LUZP2: variants seen among roughly 807,000 people sequenced by gnomAD.
LUZP2 encodes the protein leucine zipper protein 2.
LUZP2 carries 52 observed loss-of-function variants against 51.6 expected under a neutral mutation model. That is an observed-to-expected ratio of 1.01 (90% CI 0.81 to 1.27). The LOEUF is 1.27. LUZP2 is among the 50% of genes most tolerant of loss of function. The pLI, the probability that LUZP2 is intolerant of heterozygous loss-of-function variation, is 0.00. For synonymous variants in LUZP2, 154 were observed against 137.3 expected (o/e 1.12, Z -0.85); for missense variants, 436 against 395.4 (o/e 1.10, Z -0.87).
At chr11:24,752,960 T>A (rs10834476) in intron 4 of LUZP2, among the ~76,000 whole-genome samples, 1 of 151,788 alleles carries the variant, frequency 6.6e-6, no homozygotes, top group Non-Finnish European at 1.5e-5. Flanking sequence ...ATAAGCAAGA[T>A]AGGAAAATAC....
chr11:24,718,099 A>G (rs1372647657), intron 1 of LUZP2, among the ~76,000 whole-genome samples: 2 of 152,216 alleles, frequency 1.3e-5, no homozygotes, highest in African/African-American at 2.4e-5. Flanking sequence ...GCTTTCTTTT[A>G]TAGAGAGAAA....
intron 10 of LUZP2, among the ~76,000 whole-genome samples, chr11:25,075,133 A>G (rs190253834): frequency 6.6e-6 from 1 of 152,340 alleles, no homozygotes; most frequent in East Asian, 1.9e-4. Flanking sequence ...TTCCAGAGAA[A>G]TGTGAGGTTT....
At chr11:24,777,505 T>A (rs1199645872) in intron 5 of LUZP2, among the ~76,000 whole-genome samples, 1 of 152,166 alleles carries the variant, frequency 6.6e-6, no homozygotes, top group African/African-American at 2.4e-5. Context: ...AAATCAGATA[T>A]GCATATATTA....
At chr11:24,581,963 T>G (rs1015088150) in intron 1 of LUZP2, among the ~76,000 whole-genome samples, 5 of 151,910 alleles carry the variant, frequency 3.3e-5, no homozygotes, top group Admixed American at 3.3e-4. Context: ...CCCACATTGG[T>G]CCTCCTAAGC....
chr11:24,933,455 A>T (rs1854509983), intron 7 of LUZP2, among the ~76,000 whole-genome samples: 2 of 152,286 alleles, frequency 1.3e-5, no homozygotes, highest in East Asian at 1.9e-4. Flanking sequence ...CTTCAATATA[A>T]GTCTCCTGAC....
At chr11:24,824,712 A>T (rs1422050059) in intron 5 of LUZP2, among the ~76,000 whole-genome samples, 1 of 152,092 alleles carries the variant, frequency 6.6e-6, no homozygotes, top group Non-Finnish European at 1.5e-5. Context: ...TATTTATTTT[A>T]TATAATCATC....
At chr11:24,794,182 A>G (rs544309080) in intron 5 of LUZP2, among the ~76,000 whole-genome samples, 64 of 152,254 alleles carry the variant, frequency 4.2e-4, no homozygotes, top group Admixed American at 9.8e-4. Context: ...TACAGATTTT[A>G]GAAGGAAGTG....
chr11:24,911,631 G>A (rs74966487), intron 6 of LUZP2, among the ~76,000 whole-genome samples: 7,045 of 152,110 alleles, frequency 0.046, 501 homozygotes, highest in African/African-American at 0.15. Context: ...TGCAGAACTC[G>A]GAGTCAATTA....
intron 5 of LUZP2, among the ~76,000 whole-genome samples, chr11:24,889,248 A>ATG (rs766449154): frequency 3.3e-5 from 5 of 152,170 alleles, no homozygotes; most frequent in Non-Finnish European, 5.9e-5. Context: ...ATTATGTAAC[A>ATG]TGTGGGTGGG....
intron 1 of LUZP2, among the ~76,000 whole-genome samples, chr11:24,618,069 A>G (rs542692782): frequency 6.6e-6 from 1 of 151,878 alleles, no homozygotes; most frequent in South Asian, 2.1e-4. Context: ...AAAAAAGGGA[A>G]CTCCTCATTA....
At chr11:25,030,935 A>ATGTAT (rs1565254609) in intron 9 of LUZP2, among the ~76,000 whole-genome samples, 6 of 1,344 alleles carry the variant, frequency 4.5e-3, no homozygotes, top group African/African-American at 4.9e-3. Context: ...TATATAATAT[A>ATGTAT]TATTATATAT....
chr11:24,675,722 C>G (rs554129458), intron 1 of LUZP2, among the ~76,000 whole-genome samples: 1 of 151,630 alleles, frequency 6.6e-6, no homozygotes, highest in Non-Finnish European at 1.5e-5. Context: ...CCTGATTGGT[C>G]CTTATTATTA....
chr11:24,651,982 T>C (rs78178171), intron 1 of LUZP2, among the ~76,000 whole-genome samples: 26,005 of 151,974 alleles, frequency 0.17, 2,381 homozygotes, highest in East Asian at 0.35. Context: ...TTTCTCTCTA[T>C]CTCTCTGTGT....
intron 1 of LUZP2, among the ~76,000 whole-genome samples, chr11:24,519,107 G>C (rs1189895085): frequency 1.3e-5 from 2 of 152,104 alleles, no homozygotes; most frequent in Admixed American, 1.3e-4. Flanking sequence ...CTTAGACACT[G>C]TTATCCACTC....
At chr11:24,833,437 T>A (rs1466617035) in intron 5 of LUZP2, among the ~76,000 whole-genome samples, 1 of 152,152 alleles carries the variant, frequency 6.6e-6, no homozygotes, top group Non-Finnish European at 1.5e-5. Flanking sequence ...GCATTTTCTC[T>A]CTTGGGGCTT....
At chr11:24,884,608 T>A (rs1386232) in intron 5 of LUZP2, among the ~76,000 whole-genome samples, 73,882 of 151,780 alleles carry the variant, frequency 0.49, 18,431 homozygotes, top group East Asian at 0.69. Flanking sequence ...TTAATCTCTC[T>A]TCGTTCGTCA....
intron 1 of LUZP2, among the ~76,000 whole-genome samples, chr11:24,659,325 A>G (rs1318973844): frequency 6.6e-6 from 1 of 152,194 alleles, no homozygotes; most frequent in East Asian, 1.9e-4. Context: ...TCAAGGACAA[A>G]AAAGCAAACA....
intron 7 of LUZP2, among the ~76,000 whole-genome samples, chr11:24,966,316 A>T (rs750857009): frequency 2.5e-4 from 38 of 151,432 alleles, no homozygotes; most frequent in Non-Finnish European, 5.0e-4. Context: ...TTTGGATTCG[A>T]GTCCTTTCAC....
At chr11:24,509,540 T>G (rs1204861543) in intron 1 of LUZP2, among the ~76,000 whole-genome samples, 1 of 149,000 alleles carries the variant, frequency 6.7e-6, no homozygotes, top group Non-Finnish European at 1.5e-5. Context: ...TAGTATATAT[T>G]ATATGCATAT....
Sources: gnomAD v4.1 joint callset for allele counts (sites outside exome capture counted in the v4.1 genomes callset) on GRCh38, gnomAD v4.1.1 for gene constraint, MANE v1.5 for transcripts, NCBI Gene and HGNC (gene_info 2026-07-23, HGNC 2026-07-21) for gene names.